CSMD2: variants seen among roughly 807,000 people sequenced by gnomAD.
CSMD2 encodes the protein CUB and sushi domain-containing protein 2.
In CSMD2, 130 loss-of-function variants were observed where a neutral mutation model predicts 398.5. The observed-to-expected ratio is 0.33, with a 90% CI of 0.28 to 0.38. The LOEUF (loss-of-function observed/expected upper bound fraction) is 0.38. Ranked by LOEUF, CSMD2 falls within the 10% of genes least tolerant of loss-of-function variation. The probability of loss-of-function intolerance (pLI) is 1.00; values close to 1 mark genes in which losing one functional copy is unlikely to be tolerated. For synonymous variants in CSMD2, 1,828 were observed against 1,908.5 expected (o/e 0.96, Z 1.10); for missense variants, 3,829 against 4,764.9 (o/e 0.80, Z 5.78).
intron 1 of CSMD2, among the ~76,000 whole-genome samples, chr1:34,151,380 G>T (rs1161515656): frequency 6.6e-6 from 1 of 152,154 alleles, no homozygotes; most frequent in African/African-American, 2.4e-5. Flanking sequence ...GAGGTATGGG[G>T]TTGAAGCCTG....
intron 13 of CSMD2, among the ~76,000 whole-genome samples, chr1:33,764,405 C>T (rs570654865): frequency 3.9e-5 from 6 of 152,258 alleles, no homozygotes; most frequent in East Asian, 1.9e-4. Context: ...CCACTCAAGG[C>T]GACGTCCCCT....
Position 34,103,057 on chromosome 1 carries a change from A to G in CSMD2, c.188-13864T>C, listed in dbSNP as rs1327037312. ...AGTTGTTGGTTGAATGAATGAATAA[A>G]TGAATATTAATTGCCCACCTAGCAT... On this transcript the variant is annotated intron_variant, in intron 1 of 70. Transcript: ENST00000373381. Among the ~76,000 whole-genome samples, 11 of 152,182 alleles carry G rather than the reference A, an allele frequency of 7.2e-5. No individual in the cohort carries two copies. In the East Asian group the frequency reaches 9.6e-4, roughly 13 times the overall value.
chr1:34,128,596 C>G (rs1467983338), intron 1 of CSMD2, among the ~76,000 whole-genome samples: 2 of 152,222 alleles, frequency 1.3e-5, no homozygotes, highest in African/African-American at 4.8e-5. Flanking sequence ...AGGCCCCCGC[C>G]TCCCTGAAGG....
chr1:34,002,462 C>T (rs1357616934), intron 3 of CSMD2, among the ~76,000 whole-genome samples: 1 of 152,174 alleles, frequency 6.6e-6, no homozygotes, highest in Non-Finnish European at 1.5e-5. Flanking sequence ...CAGTTTCTCA[C>T]CTGTAAAATG....
intron 1 of CSMD2, among the ~76,000 whole-genome samples, chr1:34,154,951 C>A (rs1334887612): frequency 6.6e-6 from 1 of 152,196 alleles, no homozygotes; most frequent in Non-Finnish European, 1.5e-5. Flanking sequence ...TGGTCTCAAA[C>A]TCCTGACCTC....
intron 27 of CSMD2, among the ~76,000 whole-genome samples, chr1:33,654,457 C>G (rs964459267): frequency 6.6e-6 from 1 of 152,104 alleles, no homozygotes; most frequent in African/African-American, 2.4e-5. Context: ...TGCTTCTCCC[C>G]GCTGGCCAGC....
At chr1:33,554,185 C>CTTTTTTT (rs397860875) in intron 55 of CSMD2, among the ~76,000 whole-genome samples, 2 of 74,382 alleles carry the variant, frequency 2.7e-5, no homozygotes, top group African/African-American at 5.4e-5. Context: ...AAAAAACAGC[C>CTTTTTTT]TTTTTTTTTT....
chr1:33,616,838 A>C (rs1164771685), intron 39 of CSMD2, 68 bp downstream of exon 39: 15 of 1,213,564 alleles, frequency 1.2e-5, no homozygotes, highest in Non-Finnish European at 1.5e-5. Flanking sequence ...ACTCAATGAT[A>C]CACTACTGAG....
intron 1 of CSMD2, among the ~76,000 whole-genome samples, chr1:34,107,329 T>G (rs1188384394): frequency 6.6e-6 from 1 of 152,176 alleles, no homozygotes. Context: ...TCCCAGTGAG[T>G]GCTTCCTGCC....
At chr1:33,706,988 C>A (rs974047034) in intron 22 of CSMD2, among the ~76,000 whole-genome samples, 1 of 152,148 alleles carries the variant, frequency 6.6e-6, no homozygotes, top group African/African-American at 2.4e-5. Context: ...CCATGTCCCT[C>A]CTCCTTTCTT....
Position 33,635,961 on chromosome 1 carries a change from C to T in CSMD2, c.4969+399G>A, listed in dbSNP as rs182581652. 2.6e-4 allele frequency among the ~76,000 whole-genome samples: 40 copies of T among 152,278 alleles called. No homozygotes were observed. Among genetic ancestry groups the T allele is most frequent in the African/African-American group, 9.4e-4 (39 of 41,550 alleles). ...GACCCCCATGGCTCACCCAGACCCACCTGGAATCAGCACACCCTGCGGGCC... is the reference window on the plus strand; with the variant it reads ...GACCCCCATGGCTCACCCAGACCCATCTGGAATCAGCACACCCTGCGGGCC... On this transcript the variant is annotated intron_variant, in intron 30 of 70. Coordinates refer to ENST00000373381, the MANE Select transcript of CSMD2 (RefSeq NM_001281956.2). This position sits in a 1 kb window ranked among gnomAD's most constrained non-coding sequence, Gnocchi z 5.0.
intron 10 of CSMD2, among the ~76,000 whole-genome samples, chr1:33,800,055 C>T (rs895861703): frequency 6.6e-6 from 1 of 152,206 alleles, no homozygotes; most frequent in Non-Finnish European, 1.5e-5. Flanking sequence ...TAGGTAGAGG[C>T]CCTGCCACAA....
intron 12 of CSMD2, among the ~76,000 whole-genome samples, chr1:33,776,389 C>T (rs915859521): frequency 2.0e-5 from 3 of 152,042 alleles, no homozygotes; most frequent in African/African-American, 7.2e-5. Flanking sequence ...GGCAGGAGAC[C>T]GAGGGAGATC....
chr1:33,782,185 G>GC (rs35501026), intron 12 of CSMD2, among the ~76,000 whole-genome samples: 6,488 of 151,844 alleles, frequency 0.043, 181 homozygotes, highest in Non-Finnish European at 0.064. Context: ...ACAGCTACCC[G>GC]CCCCCCAACC....
chr1:33,536,929 GCTGTC>G, intron 62 of CSMD2, 88 bp downstream of exon 62: 1 of 1,213,740 alleles, frequency 8.2e-7, no homozygotes, highest in Non-Finnish European at 1.2e-6. Flanking sequence ...CTCCCTGAGT[GCTGTC>G]CTGAGGAAGG....
In CSMD2 at chr1:33,583,021, A is replaced by G. The variant is rs377041829; in HGVS notation, c.7240+621T>C. On this transcript the variant is annotated intron_variant, in intron 47 of 70. Coordinates refer to ENST00000373381, the MANE Select transcript of CSMD2 (RefSeq NM_001281956.2). ...CTCCTGCTCTCTGTCATAACCGAGT[A>G]TAAAGGGATGTGGACCATCTGGACA... 7.2e-5 allele frequency among the ~76,000 whole-genome samples: 11 copies of G among 152,338 alleles called. No individual in the cohort carries two copies. In the South Asian group the frequency reaches 1.2e-3, roughly 17 times the overall value.
In CSMD2 at chr1:33,557,095, T is replaced by C. The variant is rs141968857; in HGVS notation, c.8743+639A>G. ...CTTTTCCTAACAATAATTAATGTGGTCATTGTTTATTGAGTAGCTACTATG... is the reference window on the plus strand; with the variant it reads ...CTTTTCCTAACAATAATTAATGTGGCCATTGTTTATTGAGTAGCTACTATG... On this transcript the variant is annotated intron_variant, in intron 55 of 70. Coordinates refer to ENST00000373381, the MANE Select transcript of CSMD2 (RefSeq NM_001281956.2). 1.7e-3 allele frequency among the ~76,000 whole-genome samples: 265 copies of C among 152,308 alleles called. 1 individual carries two copies. Among genetic ancestry groups the C allele is most frequent in the African/African-American group, 6.1e-3 (254 of 41,564 alleles).
intron 13 of CSMD2, among the ~76,000 whole-genome samples, chr1:33,749,593 GA>G (rs1399611019): frequency 1.3e-5 from 2 of 151,004 alleles, no homozygotes; most frequent in Non-Finnish European, 1.5e-5. Flanking sequence ...GACAAAAACA[GA>G]AAAAAAAATT....
intron 13 of CSMD2, among the ~76,000 whole-genome samples, chr1:33,763,686 C>T (rs1650125497): frequency 6.6e-6 from 1 of 152,168 alleles, no homozygotes; most frequent in Admixed American, 6.5e-5. Flanking sequence ...TGGCCAGGTA[C>T]ACTGAAGAGC....
Sources: gnomAD v4.1 joint callset for allele counts (sites outside exome capture counted in the v4.1 genomes callset) on GRCh38, gnomAD v4.1.1 for gene constraint, Gnocchi (gnomAD v3.1) non-coding constraint, MANE v1.5 for transcripts, NCBI Gene and HGNC (gene_info 2026-07-23, HGNC 2026-07-21) for gene names.